Variants in ZNF831 observed in about 807,000 individuals in gnomAD.
ZNF831 encodes the protein chromosome 20 open reading frame 174.
A neutral mutation model predicts 95.8 loss-of-function variants in ZNF831; 59 were observed. The ratio of observed to expected loss-of-function variants is 0.62; its 90% CI spans 0.50 to 0.77. ZNF831 has a LOEUF of 0.77. Ranked by LOEUF, ZNF831 falls within the 30% of genes least tolerant of loss-of-function variation. The pLI is 0.00. For missense variants in ZNF831, 2,205 were observed against 2,164.0 expected (o/e 1.02, Z -0.38); for synonymous variants, 961 against 925.5 (o/e 1.04, Z -0.70).
At chr20:59,189,429 CA>C (rs1233986037) in intron 1 of ZNF831, among the ~76,000 whole-genome samples, 1 of 152,158 alleles carries the variant, frequency 6.6e-6, no homozygotes, top group Admixed American at 6.5e-5. Flanking sequence ...GAAAATTTAA[CA>C]ATCAGCTCTC....
At chr20:59,210,079 C>A (rs984875941) in intron 4 of ZNF831, among the ~76,000 whole-genome samples, 2 of 152,190 alleles carry the variant, frequency 1.3e-5, no homozygotes, top group African/African-American at 4.8e-5. Flanking sequence ...TGTGAACCAA[C>A]AGAAGTGGCC....
rs2146576773 is a variant in ZNF831 at position 59,193,078 on chromosome 20, G to C, written c.2059G>C (p.Gly687Arg). The change falls in exon 2 of 6, where the codon GGG (glycine) becomes CGG (arginine). Residue 687 changes from glycine to arginine, a missense_variant. By Grantham distance (125) the Gly-to-Arg change is moderately radical. Transcript: ENST00000371030. ...CCCTGTCCATGAGGACATATCCGCA[G>C]GGGCAACGCCAGAGCCTTGGGGAAA... The part of the protein sequence containing the change: ...RTPVHEDISA[G>R]ATPEPWGNPP... The C allele has an allele frequency of 6.3e-7, 1 of 1,595,566 alleles. No homozygotes were observed.
intron 2 of ZNF831, among the ~76,000 whole-genome samples, chr20:59,195,112 A>G (rs549831941): frequency 6.6e-6 from 1 of 152,350 alleles, no homozygotes; most frequent in South Asian, 2.1e-4. Flanking sequence ...TCTCTGGATC[A>G]TTCTAAGATT....
intron 4 of ZNF831, among the ~76,000 whole-genome samples, chr20:59,243,436 T>C (rs768659664): frequency 1.3e-5 from 2 of 152,226 alleles, no homozygotes; most frequent in Non-Finnish European, 2.9e-5. Context: ...ATGAGAGTTA[T>C]TTCTTCTTTT....
In ZNF831 at chr20:59,193,420, T is replaced by C; in HGVS notation, c.2401T>C (p.Trp801Arg). ...GVGDVQETCL[W>R]AQTVLRWPSR... ...GGGGGATGTTCAGGAGACCTGCCTG[T>C]GGGCCCAGACTGTCCTGAGATGGCC... The change falls in exon 2 of 6, where the codon TGG becomes CGG. Residue 801 changes from tryptophan (W) to arginine (R), a missense_variant. Coordinates refer to ENST00000371030, the MANE Select transcript of ZNF831 (RefSeq NM_178457.3). The C allele has an allele frequency of 6.3e-7, 1 of 1,598,998 alleles. No homozygotes were observed.
chr20:59,209,353 C>G (rs1568770770), intron 4 of ZNF831, among the ~76,000 whole-genome samples: 1 of 152,272 alleles, frequency 6.6e-6, no homozygotes, highest in South Asian at 2.1e-4. Context: ...ACGAGGTCAT[C>G]TCATTAGTGT....
At chr20:59,178,059 A>G (rs1241988076) in intron 1 of ZNF831, among the ~76,000 whole-genome samples, 3 of 152,122 alleles carry the variant, frequency 2.0e-5, no homozygotes, top group Non-Finnish European at 4.4e-5. Flanking sequence ...AGAAGCTTGT[A>G]TTTTTGGCAC....
chr20:59,132,721 A>G (rs983348684), intron 1 of ZNF831, among the ~76,000 whole-genome samples: 1 of 152,180 alleles, frequency 6.6e-6, no homozygotes, highest in African/African-American at 2.4e-5. Context: ...ACACTGGTGA[A>G]TTAACTTGAA....
chr20:59,125,098 T>C (rs1979129967), intron 1 of ZNF831, among the ~76,000 whole-genome samples: 1 of 152,130 alleles, frequency 6.6e-6, no homozygotes, highest in Admixed American at 6.5e-5. Flanking sequence ...GGCTGGACGT[T>C]ATTAGGACTA....
chr20:59,126,926 G>A (rs1979190040), intron 1 of ZNF831, among the ~76,000 whole-genome samples: 1 of 152,160 alleles, frequency 6.6e-6, no homozygotes, highest in African/African-American at 2.4e-5. Context: ...GGTGGAGAGT[G>A]TGGCTTTGAG....
chr20:59,187,388 G>T (rs1166958264), intron 1 of ZNF831, among the ~76,000 whole-genome samples: 1 of 152,136 alleles, frequency 6.6e-6, no homozygotes, highest in Non-Finnish European at 1.5e-5. Context: ...ATGTGAGGGG[G>T]CAGCAAGAAG....
intron 4 of ZNF831, among the ~76,000 whole-genome samples, chr20:59,219,563 A>G (rs1372204693): frequency 1.3e-5 from 2 of 152,158 alleles, no homozygotes; most frequent in African/African-American, 4.8e-5. Flanking sequence ...AAACAGGAGC[A>G]TAGCAGGGGG....
At chr20:59,231,282 G>T (rs1464906058) in intron 4 of ZNF831, among the ~76,000 whole-genome samples, 1 of 152,164 alleles carries the variant, frequency 6.6e-6, no homozygotes, top group African/African-American at 2.4e-5. Flanking sequence ...AAAAGGATCA[G>T]AAATAGGCAA....
chr20:59,137,685 C>A (rs1979552897), intron 1 of ZNF831, among the ~76,000 whole-genome samples: 1 of 152,224 alleles, frequency 6.6e-6, no homozygotes, highest in African/African-American at 2.4e-5. Flanking sequence ...CACATCCTGG[C>A]AGAAGCTCCA....
chr20:59,253,871 T>A (rs556601373), intron 5 of ZNF831, 27 bp from the exon 6 acceptor site: 4 of 629,044 alleles, frequency 6.4e-6, no homozygotes, highest in Non-Finnish European at 9.0e-6. Context: ...CCCCCCCACT[T>A]TTTTTTTCCT....
chr20:59,165,149 G>A (rs1981156546), intron 1 of ZNF831, among the ~76,000 whole-genome samples: 1 of 152,186 alleles, frequency 6.6e-6, no homozygotes, highest in Non-Finnish European at 1.5e-5. Context: ...GGGAAGCTGG[G>A]GAGGGTTGGT....
chr20:59,222,378 C>T (rs1169291777), intron 4 of ZNF831, among the ~76,000 whole-genome samples: 1 of 152,132 alleles, frequency 6.6e-6, no homozygotes, highest in Non-Finnish European at 1.5e-5. Flanking sequence ...GGAGAGCCGC[C>T]TAGCCACGTG....
chr20:59,201,276 A>G (rs1197468722), intron 3 of ZNF831, among the ~76,000 whole-genome samples: 1 of 152,184 alleles, frequency 6.6e-6, no homozygotes, highest in African/African-American at 2.4e-5. Flanking sequence ...TAGCATTTGT[A>G]TATCTTCTCT....
At chr20:59,218,547 G>C (rs1315395022) in intron 4 of ZNF831, among the ~76,000 whole-genome samples, 1 of 151,964 alleles carries the variant, frequency 6.6e-6, no homozygotes, top group Non-Finnish European at 1.5e-5. Context: ...TCCATCTCTG[G>C]GCAGCTCTGG....
Sources: allele counts gnomAD v4.1 joint callset (sites outside exome capture counted in the v4.1 genomes callset), GRCh38; gene constraint gnomAD v4.1.1; transcripts MANE v1.5; gene names NCBI Gene and HGNC (gene_info 2026-07-23, HGNC 2026-07-21).